MILR1: variants seen among roughly 807,000 people sequenced by gnomAD.
The protein encoded by MILR1 is allergin-1.
MILR1 carries 31 observed loss-of-function variants against 18.5 expected under a neutral mutation model. The ratio of observed to expected loss-of-function variants is 1.68; its 90% confidence interval spans 1.26 to 2.26. MILR1 has a LOEUF of 2.26. Among genes scored for constraint, MILR1 ranks in the 30% most tolerant of loss-of-function variants. MILR1 has a pLI of 0.00. For missense variants in MILR1, 257 were observed against 157.4 expected (o/e 1.63, Z -3.38); for synonymous variants, 85 against 56.2 (o/e 1.51, Z -2.30).
intron 5 of MILR1, among the ~76,000 whole-genome samples, chr17:64,462,999 A>G (rs1416895933): frequency 1.3e-5 from 2 of 152,154 alleles, no homozygotes; most frequent in East Asian, 1.9e-4. Context: ...TAGATTTTCA[A>G]TGTAGAAGTA....
At chr17:64,467,059 TTTC>T (rs1555663541) in intron 8 of MILR1, among the ~76,000 whole-genome samples, 1 of 151,580 alleles carries the variant, frequency 6.6e-6, no homozygotes, top group East Asian at 1.9e-4. Flanking sequence ...CTTTCTTTCT[TTTC>T]TTTCTCTCTC....
chr17:64,479,073 C>A, the MILR1 span, among the ~76,000 whole-genome samples: 1 of 152,004 alleles, frequency 6.6e-6, no homozygotes, highest in East Asian at 1.9e-4. Context: ...GAATTGAGAA[C>A]CTGAGAGGAC....
chr17:64,452,432 T>G (rs1176452098), intron 2 of MILR1, among the ~76,000 whole-genome samples, 165 bp from the exon 3 acceptor site: 1 of 151,956 alleles, frequency 6.6e-6, no homozygotes, highest in Non-Finnish European at 1.5e-5. Flanking sequence ...TTTGTATTTT[T>G]AGTAGAGACA....
At chr17:64,487,665 G>A in the MILR1 span, among the ~76,000 whole-genome samples, 1 of 150,516 alleles carries the variant, frequency 6.6e-6, no homozygotes, top group Admixed American at 6.6e-5. Context: ...AAGATTCTGT[G>A]GTGCGCTTTG....
chr17:64,475,772 C>T, the MILR1 span, among the ~76,000 whole-genome samples: 1 of 151,050 alleles, frequency 6.6e-6, no homozygotes, highest in African/African-American at 2.4e-5. Flanking sequence ...TGCTGGCCAC[C>T]CCAAAAAAGA....
At chr17:64,465,929 C>A (rs1205912064) in intron 6 of MILR1, among the ~76,000 whole-genome samples, 1 of 152,092 alleles carries the variant, frequency 6.6e-6, no homozygotes, top group Non-Finnish European at 1.5e-5. Context: ...CAAGACCCAG[C>A]GCCTCGGCTG....
intron 3 of MILR1, among the ~76,000 whole-genome samples, chr17:64,455,338 A>C (rs2037267288): frequency 6.6e-6 from 1 of 152,196 alleles, no homozygotes; most frequent in African/African-American, 2.4e-5. Context: ...ACTCCATGCA[A>C]GCAATTGTAC....
the MILR1 span, among the ~76,000 whole-genome samples, chr17:64,477,296 T>G: frequency 6.6e-6 from 1 of 152,224 alleles, no homozygotes; most frequent in Non-Finnish European, 1.5e-5. Flanking sequence ...GAAATTATCA[T>G]GTGATTTAGT....
At chr17:64,465,426 T>C in intron 5 of MILR1, 26 bp from the exon 6 acceptor site, 3 of 1,521,016 alleles carry the variant, frequency 2.0e-6, no homozygotes, top group Non-Finnish European at 2.7e-6. Flanking sequence ...TTGGTTTAAT[T>C]TGATGATTCC....
At chr17:64,485,577 G>T in the MILR1 span, 1 of 676,898 alleles carries the variant, frequency 1.5e-6, no homozygotes, top group Non-Finnish European at 2.6e-6. Flanking sequence ...TATTCCTGTG[G>T]CCAGATTCTA....
chr17:64,491,131 C>A, the MILR1 span, among the ~76,000 whole-genome samples: 2 of 152,140 alleles, frequency 1.3e-5, no homozygotes, highest in Admixed American at 1.3e-4. Flanking sequence ...TTCTAATTTA[C>A]ATTTTTTTTT....
chr17:64,482,593 C>T, the MILR1 span, among the ~76,000 whole-genome samples: 1 of 152,204 alleles, frequency 6.6e-6, no homozygotes, highest in African/African-American at 2.4e-5. Context: ...GCTGGGATTA[C>T]AGGCGTGAGC....
At chr17:64,451,862 G>A (rs1219648451) in intron 2 of MILR1, among the ~76,000 whole-genome samples, 1 of 151,952 alleles carries the variant, frequency 6.6e-6, no homozygotes, top group African/African-American at 2.4e-5. Flanking sequence ...AGCCTGGAAG[G>A]TGGAGGCTGT....
chr17:64,492,069 CT>C, the MILR1 span, among the ~76,000 whole-genome samples: 1 of 152,038 alleles, frequency 6.6e-6, no homozygotes, highest in Non-Finnish European at 1.5e-5. Context: ...GTTATCCAGA[CT>C]TTTATGGCCA....
the MILR1 span, among the ~76,000 whole-genome samples, chr17:64,480,905 T>C: frequency 6.6e-6 from 1 of 152,224 alleles, no homozygotes; most frequent in African/African-American, 2.4e-5. Flanking sequence ...CCCATTTCAC[T>C]GGAATGCTGG....
At chr17:64,449,381 T>C (rs1231181501) in intron 2 of MILR1, 26 bp downstream of exon 2, 7 of 451,864 alleles carry the variant, frequency 1.5e-5, no homozygotes, top group African/African-American at 4.0e-5. Flanking sequence ...TTCTTTCTTA[T>C]TGAAACCATT....
the MILR1 span, among the ~76,000 whole-genome samples, chr17:64,486,194 C>T: frequency 3.3e-5 from 5 of 152,260 alleles, no homozygotes; most frequent in African/African-American, 4.8e-5. Context: ...GTTTCATCAG[C>T]GAGGCCCAAA....
In MILR1 at chr17:64,468,310, A is replaced by G; in HGVS notation, c.*29A>G. 1 of 451,158 alleles carries G rather than the reference A, an allele frequency of 2.2e-6. No homozygotes were observed. The highest frequency in any genetic ancestry group is 4.4e-6 in the Non-Finnish European group (1 of 225,500). 27.9% of individuals were successfully genotyped at this position (451,158 alleles called of 1,614,324 possible). A position where few individuals can be genotyped will look rare whatever the true frequency, so the allele number is the denominator to read the frequency against. On this transcript the variant is annotated splice_region_variant and 3_prime_UTR_variant, in exon 10 of 10. Transcript: ENST00000619286. ...TTGTCTCTCTCTTTTTTTTTTTGAG[A>G]TGGAGTCTCACTCTGTTGCCCAGGC...
the MILR1 span, among the ~76,000 whole-genome samples, chr17:64,494,411 G>GCTCCC: frequency 0.054 from 8,178 of 152,102 alleles, 376 homozygotes; most frequent in Admixed American, 0.14. Context: ...ATAATATCCT[G>GCTCCC]CTCCCCAACA....
Sources: gnomAD v4.1 joint callset for allele counts (sites outside exome capture counted in the v4.1 genomes callset) on GRCh38, gnomAD v4.1.1 for gene constraint, MANE v1.5 for transcripts, NCBI Gene and HGNC (gene_info 2026-07-23, HGNC 2026-07-21) for gene names.